CPEB1: variants seen among roughly 807,000 people sequenced by gnomAD.
CPEB1 encodes the protein cytoplasmic polyadenylation element-binding protein 1.
In CPEB1, 7 loss-of-function variants were observed where a neutral mutation model predicts 65.8. That is an observed-to-expected ratio of 0.11 (90% CI 0.06 to 0.20). The LOEUF is 0.20. Ranked by LOEUF, CPEB1 falls within the 10% of genes least tolerant of loss-of-function variation. The pLI, the probability that CPEB1 is intolerant of heterozygous loss-of-function variation, is 1.00. For missense variants in CPEB1, 551 were observed against 712.2 expected (o/e 0.77, Z 2.58); for synonymous variants, 262 against 260.0 (o/e 1.01, Z -0.08).
intron 3 of CPEB1, among the ~76,000 whole-genome samples, chr15:82,590,209 C>CAAAAAAAAAAAAAAAA (rs5814120): frequency 1.9e-5 from 2 of 104,156 alleles, no homozygotes; most frequent in African/African-American, 3.5e-5. Flanking sequence ...ATCCCTTTGA[C>CAAAAAAAAAAAAAAAA]AAAAAAAAAA....
intron 9 of CPEB1, among the ~76,000 whole-genome samples, chr15:82,550,562 TGA>T (rs2036059876): frequency 6.6e-6 from 1 of 152,124 alleles, no homozygotes; most frequent in African/African-American, 2.4e-5. Context: ...GGTCTTGGGA[TGA>T]GAGGACCTGG....
At chr15:82,647,907 C>G, upstream of CPEB1, 2 of 1,229,192 alleles carry the variant, frequency 1.6e-6, no homozygotes, top group Non-Finnish European at 2.0e-6. Context: ...ACGGGCTGAC[C>G]GGCCAGCCGG....
At chr15:82,628,704 T>C (rs753481199) in intron 1 of CPEB1, 148 bp from the exon 2 acceptor site, 4 of 471,074 alleles carry the variant, frequency 8.5e-6, no homozygotes, top group Non-Finnish European at 1.5e-5. Flanking sequence ...CCTTCCACCT[T>C]TGCCACCCCT....
intron 3 of CPEB1, among the ~76,000 whole-genome samples, chr15:82,584,718 A>C (rs985165938): frequency 6.6e-6 from 1 of 151,472 alleles, no homozygotes; most frequent in Non-Finnish European, 1.5e-5. Flanking sequence ...ATCTATCTAC[A>C]CAGTAAAATG....
At chr15:82,546,301 G>T in intron 12 of CPEB1, 140 bp downstream of exon 12, 1 of 676,550 alleles carries the variant, frequency 1.5e-6, no homozygotes, top group Non-Finnish European at 2.7e-6. Context: ...ATAGAGACGG[G>T]GTTTCACCAT....
At chr15:82,550,165 G>A (rs2035998868) in intron 9 of CPEB1, among the ~76,000 whole-genome samples, 1 of 152,194 alleles carries the variant, frequency 6.6e-6, no homozygotes, top group African/African-American at 2.4e-5. Context: ...TGCCAGAGCA[G>A]TGGAAATGAC....
At chr15:82,629,769 A>G in intron 1 of CPEB1, 2 of 985,428 alleles carry the variant, frequency 2.0e-6, no homozygotes, top group Non-Finnish European at 2.4e-6. Flanking sequence ...AAACAAAACA[A>G]GAAGAGGCCC....
At chr15:82,556,245 ACTTTCTTCCTGAGC>A in intron 5 of CPEB1, 123 bp from the exon 6 acceptor site, 1 of 1,151,928 alleles carries the variant, frequency 8.7e-7, no homozygotes, top group Non-Finnish European at 1.2e-6. Context: ...ATTCTTTTAG[ACTTTCTTCCTGAGC>A]AATTTTGATT....
intron 3 of CPEB1, among the ~76,000 whole-genome samples, chr15:82,613,007 C>T (rs117307189): frequency 6.6e-6 from 1 of 151,832 alleles, no homozygotes; most frequent in African/African-American, 2.4e-5. Flanking sequence ...ATAAATTTCA[C>T]ACAAGCTCTT....
intron 3 of CPEB1, among the ~76,000 whole-genome samples, chr15:82,610,647 T>A (rs948607547): frequency 1.3e-5 from 2 of 151,706 alleles, no homozygotes; most frequent in African/African-American, 2.4e-5. Context: ...AAATATTCAA[T>A]AAACTAGGAA....
intron 3 of CPEB1, among the ~76,000 whole-genome samples, chr15:82,606,406 G>A (rs1159113222): frequency 6.7e-6 from 1 of 149,262 alleles, no homozygotes. Flanking sequence ...GAGCTGAGGG[G>A]TTACAGTGAC....
intron 1 of CPEB1, among the ~76,000 whole-genome samples, chr15:82,634,729 A>G (rs943831559): frequency 2.6e-5 from 4 of 151,334 alleles, no homozygotes; most frequent in Non-Finnish European, 1.5e-5. Context: ...ATTTAATCAG[A>G]TGGTTTTTAA....
chr15:82,627,852 A>C (rs1238910759), intron 2 of CPEB1, among the ~76,000 whole-genome samples: 1 of 152,198 alleles, frequency 6.6e-6, no homozygotes, highest in African/African-American at 2.4e-5. Context: ...CCAGTAAAGG[A>C]CTTTTTTTAA....
intron 3 of CPEB1, among the ~76,000 whole-genome samples, chr15:82,575,327 G>A (rs1476216144): frequency 2.6e-5 from 4 of 152,170 alleles, no homozygotes; most frequent in Non-Finnish European, 5.9e-5. Flanking sequence ...TATCAGAGAC[G>A]TAAAAGTGAA....
At chr15:82,647,040 G>C (rs150986573) in intron 1 of CPEB1, 97 bp downstream of exon 1, 1 of 152,858 alleles carries the variant, frequency 6.5e-6, no homozygotes. Context: ...CTGAGGGTCC[G>C]AACAGCACAG....
At chr15:82,614,641 T>C (rs1199993698) in intron 3 of CPEB1, among the ~76,000 whole-genome samples, 1 of 152,082 alleles carries the variant, frequency 6.6e-6, no homozygotes, top group Admixed American at 6.5e-5. Flanking sequence ...TTTGAGAGAA[T>C]GTATTCATTA....
At chr15:82,629,577 G>A (rs996068165) in intron 1 of CPEB1, 10 of 984,942 alleles carry the variant, frequency 1.0e-5, no homozygotes, top group African/African-American at 1.8e-5. Flanking sequence ...TCTTCACTCC[G>A]GTCTCCCTCA....
At chr15:82,648,075 T>TCCGCCCCCTCGCGCC, upstream of CPEB1, 1 of 377,736 alleles carries the variant, frequency 2.6e-6, no homozygotes, top group South Asian at 1.4e-4. Context: ...GGCCCTCGCC[T>TCCGCCCCCTCGCGCC]CCGCCCCCTC....
intron 4 of CPEB1, among the ~76,000 whole-genome samples, chr15:82,566,775 T>C (rs2039200992): frequency 6.6e-6 from 1 of 152,112 alleles, no homozygotes; most frequent in Non-Finnish European, 1.5e-5. Context: ...TTCTCCCTCC[T>C]CTCTGCACTG....
Sources: gnomAD v4.1 joint callset for allele counts (sites outside exome capture counted in the v4.1 genomes callset) on GRCh38, gnomAD v4.1.1 for gene constraint, MANE v1.5 for transcripts, NCBI Gene and HGNC (gene_info 2026-07-23, HGNC 2026-07-21) for gene names.